Variants in C2orf81 observed in about 807,000 individuals in gnomAD.
C2orf81 encodes the protein uncharacterized protein C2orf81.
A neutral mutation model predicts 7.9 loss-of-function variants in C2orf81; 5 were observed. The observed-to-expected ratio is 0.63, with a 90% CI of 0.33 to 1.33. The LOEUF (loss-of-function observed/expected upper bound fraction) is 1.33, where lower values mean the gene tolerates loss of function less well. C2orf81 is among the 40% of genes most tolerant of loss of function. The pLI is 0.05. For synonymous variants in C2orf81, 346 were observed against 367.4 expected, an observed-to-expected ratio of 0.94 and a Z score of 0.66; for missense variants, 781 against 830.4, an observed-to-expected ratio of 0.94 and a Z score of 0.73.
rs1676391730 is a variant in C2orf81, at chr2:74,414,725, CGGGTGTG to C, written c.1445_1451del (p.Thr482ArgfsTer73). 6.5e-7 allele frequency: 1 copy of C among 1,547,508 alleles called. No homozygotes were observed. Among genetic ancestry groups the C allele is most frequent in the Non-Finnish European group, 8.7e-7 (1 of 1,144,414 alleles). ...GGCTGCGGGCCACATCAGGGAGCAC[CGGGTGTG>C]TGGTGAGGAAGCGGATCCTGGAGTT... On this transcript the variant is annotated frameshift_variant, in exon 3 of 3. Transcript: ENST00000684111. LOFTEE classifies it low-confidence loss of function (END_TRUNC). The surrounding 1 kb of genome is among the most constrained non-coding windows in gnomAD (Gnocchi z 5.3).
chr2:74,417,287 G>T, intron 1 of C2orf81: 1 of 1,024,862 alleles, frequency 9.8e-7, no homozygotes. Context: ...CCCCATCTGA[G>T]GAGAGGAAAA....
In C2orf81 at chr2:74,415,632, C is replaced by T. The variant is rs1408365768; in HGVS notation, c.545G>A (p.Ser182Asn). ...GCCCCCAGGGTCCTGGGGAAATGCA[C>T]TCGGGCAGTGAGATGTCGGAAAGGG... ...ALPFPTSHCP[S>N]AFPQDPGGVD... Residue 182 changes from serine (S) to asparagine (N), a missense_variant, in exon 3 of 3, where the codon AGT (serine) becomes AAT (asparagine). Transcript: ENST00000684111. The surrounding 1 kb of genome is among the most constrained non-coding windows in gnomAD (Gnocchi z 5.5). The T allele has an allele frequency of 1.3e-6, 2 of 1,551,050 alleles. No individual in the cohort carries two copies. The highest frequency in any genetic ancestry group is 2.4e-5 in the South Asian group (2 of 84,072).
chr2:74,416,318 G>T lies in C2orf81; in HGVS notation c.19-77C>A. 2.8e-6 allele frequency: 3 copies of T among 1,077,950 alleles called. No homozygotes were observed. In the South Asian group the frequency reaches 4.4e-5, roughly 16 times the overall value. 66.8% of individuals were successfully genotyped at this position (1,077,950 alleles called of 1,614,324 possible). A position where few individuals can be genotyped will look rare whatever the true frequency, so the allele number is the denominator to read the frequency against. ...AAGAGTAGCTATAGGCTAGGAGGAA[G>T]CTTTCTCAAGTTGTCTAGTGGGAAG... On this transcript the variant is annotated intron_variant, in intron 1 of 2. Transcript: ENST00000684111.
At position 74,416,083 on chromosome 2, in the gene C2orf81, G is replaced by A. The variant is rs1237177500; in HGVS notation, c.177C>T (p.Val59=). ...GCAAGTCGGCCAAGATGTCCCCTAC[G>A]ACGTCCTCGCCCTCCTCGAGGGCTG... The part of the protein sequence containing the change: ...ALTALEEGED[V]VGDILADLLA... Residue 59 remains valine, a synonymous_variant, in exon 2 of 3, where the codon GTC becomes GTT. Transcript: ENST00000684111. The A allele has an allele frequency of 3.2e-6, 5 of 1,546,806 alleles. No homozygotes were observed. Among genetic ancestry groups the A allele is most frequent in the Middle Eastern group, 1.7e-4 (1 of 5,986 alleles).
At chr2:74,418,606 C>T in intron 1 of C2orf81, 1 of 616,500 alleles carries the variant, frequency 1.6e-6, no homozygotes, top group Non-Finnish European at 2.9e-6. Context: ...CGGATGCCTT[C>T]CTGGAGCCGC....
In C2orf81 at chr2:74,414,746, G is replaced by C. The variant is rs1365502887; in HGVS notation, c.1431C>G (p.Ile477Met). ...GCACCGGGTGTGTGGTGAGGAAGCGGATCCTGGAGTTTGGGAGTGGCAGCT... is the reference window on the plus strand; with the variant it reads ...GCACCGGGTGTGTGGTGAGGAAGCGCATCCTGGAGTTTGGGAGTGGCAGCT... ...ESKLPLPNSRIRFLTTHPVLP... is the reference protein window; with the variant it reads ...ESKLPLPNSRMRFLTTHPVLP... Residue 477 changes from isoleucine to methionine, a missense_variant, in exon 3 of 3, where the codon ATC becomes ATG. Coordinates refer to ENST00000684111, the MANE Select transcript of C2orf81 (RefSeq NM_001316764.3). The surrounding 1 kb of genome is among the most constrained non-coding windows in gnomAD (Gnocchi z 5.3). 13 of 1,550,550 alleles carry C rather than the reference G, an allele frequency of 8.4e-6. No individual in the cohort carries two copies. The highest frequency in any genetic ancestry group is 1.0e-5 in the Non-Finnish European group (12 of 1,146,350).
At chr2:74,418,284 T>C (rs1676518636) in intron 1 of C2orf81, 9 of 1,608,106 alleles carry the variant, frequency 5.6e-6, no homozygotes, top group Admixed American at 5.0e-5. Flanking sequence ...GTCTCTTAGG[T>C]GTTGGCACTT....
chr2:74,415,987 T>C lies in C2orf81; in HGVS notation c.249+24A>G. The stretch of plus-strand genomic sequence containing the variant: ...GAGGGGCGGGAGAGGGAGACGAGTC[T>C]GAAGGACCCGGATCCCGGCCCACCT... On this transcript the variant is annotated intron_variant, in intron 2 of 2. Transcript: ENST00000684111. The surrounding 1 kb of genome is among the most constrained non-coding windows in gnomAD (Gnocchi z 5.5). The C allele has an allele frequency of 6.5e-7, 1 of 1,549,430 alleles. No homozygotes were observed. The highest frequency in any genetic ancestry group is 8.7e-7 in the Non-Finnish European group (1 of 1,146,080).
At chr2:74,419,576 C>G (rs1396909349) in intron 1 of C2orf81, among the ~76,000 whole-genome samples, 4 of 152,140 alleles carry the variant, frequency 2.6e-5, no homozygotes, top group African/African-American at 9.7e-5. Flanking sequence ...CTTCCTCAAC[C>G]CTGCAATTTC....
At position 74,415,924 on chromosome 2, in the gene C2orf81, T is replaced by G. The variant is rs1380981684; in HGVS notation, c.253A>C (p.Ile85Leu). 1.2e-5 allele frequency: 18 copies of G among 1,546,848 alleles called. No homozygotes were observed. The highest frequency in any genetic ancestry group is 1.6e-5 in the Non-Finnish European group (18 of 1,143,316). ...AFKVYLTQQC[I>L]PFTISQAREA... ...CGGGCCTGGCTGATGGTGAATGGAA[T>G]GCACTGCGGAGGCGAGAGAGGATCT... is the stretch of plus-strand genomic sequence containing the variant. The change falls in exon 3 of 3, where the codon ATT becomes CTT. Residue 85 changes from isoleucine (I) to leucine (L), a missense_variant. Coordinates refer to ENST00000684111, the MANE Select transcript of C2orf81 (RefSeq NM_001316764.3). The surrounding 1 kb of genome is among the most constrained non-coding windows in gnomAD (Gnocchi z 5.5).
At chr2:74,420,948 A>G (rs1250453882) in intron 1 of C2orf81, among the ~76,000 whole-genome samples, 2 of 151,134 alleles carry the variant, frequency 1.3e-5, no homozygotes, top group Non-Finnish European at 1.5e-5. Context: ...CATCCAGCTA[A>G]TTTTTTGTAT....
In C2orf81 at chr2:74,415,380, T is replaced by TC. The variant is rs1193551718; in HGVS notation, c.796dup (p.Glu266GlyfsTer126). The TC allele has an allele frequency of 4.6e-6, 7 of 1,517,396 alleles. No individual in the cohort carries two copies. The African/African-American group carries it at 9.7e-5, about 21-fold the overall frequency. The allele number at this position is 1,517,396 out of a possible 1,614,324, so 94.0% of individuals were successfully genotyped here. On this transcript the variant is annotated frameshift_variant, in exon 3 of 3. Transcript: ENST00000684111. LOFTEE classifies it low-confidence loss of function (END_TRUNC). This position sits in a 1 kb window ranked among gnomAD's most constrained non-coding sequence, Gnocchi z 5.5. Reference sequence around the variant, plus strand: ...AGGGTCGGCATCGTCGGCAGGCGCCTCCTCCACCGACAGTTGGAAGCTCGC... The same window carrying TC: ...AGGGTCGGCATCGTCGGCAGGCGCCTCCCTCCACCGACAGTTGGAAGCTCGC...
At chr2:74,418,667 C>G in intron 1 of C2orf81, 1 of 551,954 alleles carries the variant, frequency 1.8e-6, no homozygotes, top group South Asian at 2.1e-5. Context: ...AAGAGCACAG[C>G]CCCGGCTCAG....
Position 74,416,040 on chromosome 2 carries a change from A to T in C2orf81, c.220T>A (p.Ser74Thr). The change falls in exon 2 of 3, where the codon TCT becomes ACT. Residue 74 changes from serine to threonine, a missense_variant. Transcript: ENST00000684111. ...TGAGTCAGGTAGACTTTGAAAGCAG[A>T]GTCCATGACTCGAGCCAGCAAGTCG... ...LADLLARVMD[S>T]AFKVYLTQQC... 1 of 1,550,036 alleles carries T rather than the reference A, an allele frequency of 6.5e-7. No individual in the cohort carries two copies. Among genetic ancestry groups the T allele is most frequent in the Non-Finnish European group, 8.7e-7 (1 of 1,146,798 alleles).
chr2:74,417,547 GT>G (rs1676499663), intron 1 of C2orf81: 1 of 1,113,746 alleles, frequency 9.0e-7, no homozygotes, highest in Non-Finnish European at 1.2e-6. Context: ...ACTAGGGAAG[GT>G]GGGGAAGGAT....
intron 1 of C2orf81, chr2:74,418,417 C>G (rs776246206): frequency 1.9e-6 from 3 of 1,578,802 alleles, no homozygotes; most frequent in Non-Finnish European, 2.6e-6. Flanking sequence ...CAAGGGCTGG[C>G]TGGACTTCGA....
rs1399942467 is a variant in C2orf81 at position 74,415,391 on chromosome 2, C to G, written c.786G>C (p.Leu262=). 5 of 1,522,230 alleles carry G rather than the reference C, an allele frequency of 3.3e-6. No homozygotes were observed. The highest frequency in any genetic ancestry group is 4.4e-6 in the Non-Finnish European group (5 of 1,128,958). The allele number at this position is 1,522,230 out of a possible 1,614,324, so 94.3% of individuals were successfully genotyped here. A position where few individuals can be genotyped will look rare whatever the true frequency, so the allele number is the denominator to read the frequency against. Residue 262 remains leucine, a synonymous_variant, in exon 3 of 3, where the codon CTG becomes CTC. Transcript: ENST00000684111. This position sits in a 1 kb window ranked among gnomAD's most constrained non-coding sequence, Gnocchi z 5.5. ...SAGSLSASFQ[L]SVEEAPADDA... ...CGTCGGCAGGCGCCTCCTCCACCGACAGTTGGAAGCTCGCGCTCAAGGACC... is the reference window on the plus strand; with the variant it reads ...CGTCGGCAGGCGCCTCCTCCACCGAGAGTTGGAAGCTCGCGCTCAAGGACC...
chr2:74,416,792 A>T (rs1348108661), intron 1 of C2orf81, among the ~76,000 whole-genome samples: 5 of 152,104 alleles, frequency 3.3e-5, no homozygotes, highest in Non-Finnish European at 5.9e-5. Context: ...TATTGGTGCT[A>T]TTTAGAGTCT....
At chr2:74,419,705 GAATA>G (rs769693473) in intron 1 of C2orf81, among the ~76,000 whole-genome samples, 3 of 152,174 alleles carry the variant, frequency 2.0e-5, no homozygotes, top group East Asian at 1.9e-4. Context: ...TTTAAAAAGA[GAATA>G]AATAATTGAC....
Sources: allele counts gnomAD v4.1 joint callset (sites outside exome capture counted in the v4.1 genomes callset), GRCh38; gene constraint gnomAD v4.1.1; non-coding constraint Gnocchi (gnomAD v3.1); transcripts MANE v1.5; gene names NCBI Gene and HGNC (gene_info 2026-07-23, HGNC 2026-07-21).